NEGR1: variants seen among roughly 807,000 people sequenced by gnomAD.
The protein encoded by NEGR1 is neuronal growth regulator 1.
NEGR1 carries 10 observed loss-of-function variants against 40.9 expected under a neutral mutation model. The ratio of observed to expected loss-of-function variants is 0.24; its 90% CI spans 0.15 to 0.42. The LOEUF (loss-of-function observed/expected upper bound fraction) is 0.42, where lower values mean the gene tolerates loss of function less well. Among genes scored for constraint, NEGR1 ranks in the 10% least tolerant of loss-of-function variants. The pLI is 1.00. For synonymous variants in NEGR1, 185 were observed against 166.8 expected (o/e 1.11, Z -0.84); for missense variants, 352 against 438.9 (o/e 0.80, Z 1.77).
intron 1 of NEGR1, among the ~76,000 whole-genome samples, chr1:72,014,770 A>C (rs2100409162): frequency 6.6e-6 from 1 of 152,150 alleles, no homozygotes; most frequent in East Asian, 1.9e-4. Flanking sequence ...GTGGTTCTTC[A>C]TTTAACTAAT....
chr1:71,886,267 A>T (rs1479264160), intron 2 of NEGR1, among the ~76,000 whole-genome samples: 3 of 152,204 alleles, frequency 2.0e-5, no homozygotes, highest in Non-Finnish European at 2.9e-5. Context: ...GTTCCCTAAT[A>T]AAAATGGTAA....
chr1:71,595,124 A>G (rs1649652360), intron 5 of NEGR1, among the ~76,000 whole-genome samples: 1 of 152,162 alleles, frequency 6.6e-6, no homozygotes. Context: ...ACAGCCACAG[A>G]TGTTGCTGAA....
intron 1 of NEGR1, among the ~76,000 whole-genome samples, chr1:72,187,994 C>T (rs1248912232): frequency 2.0e-5 from 3 of 151,366 alleles, no homozygotes; most frequent in African/African-American, 7.3e-5. Flanking sequence ...TTAATCAATG[C>T]ATAAGGAAGA....
chr1:71,411,241 C>G (rs1646318093), intron 6 of NEGR1, among the ~76,000 whole-genome samples: 1 of 152,078 alleles, frequency 6.6e-6, no homozygotes, highest in Non-Finnish European at 1.5e-5. Context: ...TCTTTCTTCT[C>G]ATTTTAGTAT....
At chr1:72,083,470 TGCTTCA>T in intron 1 of NEGR1, among the ~76,000 whole-genome samples, 1 of 152,282 alleles carries the variant, frequency 6.6e-6, no homozygotes, top group Non-Finnish European at 1.5e-5. Flanking sequence ...GTGTTTATCC[TGCTTCA>T]GCTTCAAAAG....
At position 71,790,303 on chromosome 1, in the gene NEGR1, G is replaced by C. The variant is rs966783231; in HGVS notation, c.410-14006C>G. Among the ~76,000 whole-genome samples the C allele has an allele frequency of 1.2e-4, 19 of 152,068 alleles. 1 individual carries two copies. Among genetic ancestry groups the C allele is most frequent in the African/African-American group, 4.3e-4 (18 of 41,426 alleles). On this transcript the variant is annotated intron_variant, in intron 2 of 6. Coordinates refer to ENST00000357731, the MANE Select transcript of NEGR1 (RefSeq NM_173808.3). ...AGTGCTCAATAATAATCTGTATTTGGCTGTTTTGTTTTCTGAATTTTAAGC... is the reference window on the plus strand; with the variant it reads ...AGTGCTCAATAATAATCTGTATTTGCCTGTTTTGTTTTCTGAATTTTAAGC...
chr1:71,921,703 A>AATATATATATATATATATAT (rs61614174), intron 2 of NEGR1, among the ~76,000 whole-genome samples: 2 of 134,052 alleles, frequency 1.5e-5, no homozygotes, highest in Admixed American at 7.5e-5. Context: ...ACAGTACAAG[A>AATATATATATATATATATAT]ATATATATAT....
chr1:71,737,313 C>G (rs1180882298), intron 3 of NEGR1, among the ~76,000 whole-genome samples: 1 of 151,546 alleles, frequency 6.6e-6, no homozygotes, highest in Non-Finnish European at 1.5e-5. Context: ...ATTTTACATT[C>G]AAACACCCGT....
At chr1:71,969,875 C>T (rs917883477) in intron 1 of NEGR1, among the ~76,000 whole-genome samples, 1 of 152,098 alleles carries the variant, frequency 6.6e-6, no homozygotes, top group South Asian at 2.1e-4. Context: ...TATCTCATGC[C>T]TAGAGATATT....
chr1:71,492,253 G>A (rs564204526), intron 6 of NEGR1, among the ~76,000 whole-genome samples: 71 of 152,246 alleles, frequency 4.7e-4, no homozygotes, highest in Non-Finnish European at 7.2e-4. Context: ...TAAGAAAGAA[G>A]TAGAGACTTA....
intron 6 of NEGR1, among the ~76,000 whole-genome samples, chr1:71,474,281 A>ATGTGTG (rs112956217): frequency 0.01 from 1,442 of 143,612 alleles, 20 homozygotes; most frequent in African/African-American, 0.032. Context: ...AAACAGGAAA[A>ATGTGTG]TGTGTGTGTG....
intron 2 of NEGR1, among the ~76,000 whole-genome samples, chr1:71,825,146 A>G (rs1305384899): frequency 6.6e-6 from 1 of 151,900 alleles, no homozygotes; most frequent in African/African-American, 2.4e-5. Flanking sequence ...CTCTGTCAAC[A>G]CTTGGTATTA....
At chr1:71,448,229 G>C (rs991940484) in intron 6 of NEGR1, among the ~76,000 whole-genome samples, 6 of 71,022 alleles carry the variant, frequency 8.4e-5, no homozygotes, top group African/African-American at 2.6e-4. Flanking sequence ...TACCTTCTCT[G>C]AGAGAAAAAA....
chr1:71,697,653 G>A (rs543324889), intron 4 of NEGR1, among the ~76,000 whole-genome samples: 17 of 151,846 alleles, frequency 1.1e-4, no homozygotes, highest in African/African-American at 2.7e-4. Context: ...TGGGAGTTAC[G>A]CACTTAAATT....
rs530236290 is a variant in NEGR1, at chr1:71,884,477, T to C, written c.409+50602A>G. Among the ~76,000 whole-genome samples the C allele has an allele frequency of 1.0e-3, 159 of 152,320 alleles. 1 individual carries two copies. The highest frequency in any genetic ancestry group is 3.4e-3 in the Middle Eastern group (1 of 294). On this transcript the variant is annotated intron_variant, in intron 2 of 6. Coordinates refer to ENST00000357731, the MANE Select transcript of NEGR1 (RefSeq NM_173808.3). ...CTTCTCAACTGCTAATTTTATTATTTGATAGACCAACAAAAGCAAATGCAC... is the reference window on the plus strand; with the variant it reads ...CTTCTCAACTGCTAATTTTATTATTCGATAGACCAACAAAAGCAAATGCAC...
At chr1:72,118,861 C>G (rs957504709) in intron 1 of NEGR1, among the ~76,000 whole-genome samples, 1 of 151,106 alleles carries the variant, frequency 6.6e-6, no homozygotes, top group Admixed American at 6.6e-5. Flanking sequence ...TATTTTCAAC[C>G]AAATTTTAAA....
chr1:71,988,444 C>T (rs929451048), intron 1 of NEGR1, among the ~76,000 whole-genome samples: 1 of 146,794 alleles, frequency 6.8e-6, no homozygotes, highest in African/African-American at 2.5e-5. Context: ...GAGGCTGAGG[C>T]AGGAGAATGG....
intron 2 of NEGR1, among the ~76,000 whole-genome samples, chr1:71,910,255 A>C (rs1661389538): frequency 1.3e-5 from 2 of 152,212 alleles, no homozygotes; most frequent in Admixed American, 1.3e-4. Context: ...CTTAGAATCC[A>C]GTGTATAAAC....
intron 2 of NEGR1, among the ~76,000 whole-genome samples, chr1:71,932,351 A>G (rs1243062928): frequency 2.0e-5 from 3 of 151,556 alleles, no homozygotes; most frequent in African/African-American, 7.3e-5. Context: ...GACCTTAAAG[A>G]CCTTCTTGTC....
Sources: gnomAD v4.1 joint callset for allele counts (sites outside exome capture counted in the v4.1 genomes callset) on GRCh38, gnomAD v4.1.1 for gene constraint, MANE v1.5 for transcripts, NCBI Gene and HGNC (gene_info 2026-07-23, HGNC 2026-07-21) for gene names.